Variants in NMNAT2 observed in about 807,000 individuals in gnomAD.
NMNAT2 encodes the protein nicotinamide nucleotide adenylyltransferase 2.
A neutral mutation model predicts 41.6 loss-of-function variants in NMNAT2; 11 were observed. The ratio of observed to expected loss-of-function variants is 0.26; its 90% CI spans 0.17 to 0.44. NMNAT2 has a LOEUF of 0.44. Among genes scored for constraint, NMNAT2 ranks in the 20% least tolerant of loss-of-function variants. NMNAT2 has a pLI of 1.00. For synonymous variants in NMNAT2, 148 were observed against 151.2 expected (o/e 0.98, Z 0.16); for missense variants, 288 against 407.7 (o/e 0.71, Z 2.53).
intron 1 of NMNAT2, among the ~76,000 whole-genome samples, chr1:183,390,416 A>G (rs922200329): frequency 6.6e-6 from 1 of 152,202 alleles, no homozygotes; most frequent in Non-Finnish European, 1.5e-5. Context: ...TCTTGTCTTC[A>G]TCAGCACTTT....
At chr1:183,281,993 C>T (rs1661283162) in intron 7 of NMNAT2, among the ~76,000 whole-genome samples, 1 of 152,240 alleles carries the variant, frequency 6.6e-6, no homozygotes, top group African/African-American at 2.4e-5. Context: ...TCCACACTCC[C>T]CTCCCAGGAA....
chr1:183,375,477 G>A (rs140782785), intron 1 of NMNAT2, among the ~76,000 whole-genome samples: 7 of 152,240 alleles, frequency 4.6e-5, no homozygotes, highest in African/African-American at 1.7e-4. Flanking sequence ...GTTTCCTGTG[G>A]CAATTCCTCT....
chr1:183,275,858 G>C (rs1661110061), intron 8 of NMNAT2, among the ~76,000 whole-genome samples: 1 of 152,080 alleles, frequency 6.6e-6, no homozygotes, highest in Non-Finnish European at 1.5e-5. Flanking sequence ...ATTTTTAGTA[G>C]AGACAGGGTT....
chr1:183,354,372 T>C (rs1663134357), intron 1 of NMNAT2, among the ~76,000 whole-genome samples: 1 of 151,954 alleles, frequency 6.6e-6, no homozygotes, highest in African/African-American at 2.4e-5. Context: ...CCTGCTGTTA[T>C]AATTTAATCT....
At chr1:183,362,344 T>C (rs1161391987) in intron 1 of NMNAT2, among the ~76,000 whole-genome samples, 4 of 152,166 alleles carry the variant, frequency 2.6e-5, no homozygotes, top group African/African-American at 9.7e-5. Flanking sequence ...TGTGCAACCA[T>C]CACCACTATC....
chr1:183,335,773 T>C (rs1662668480), intron 1 of NMNAT2, among the ~76,000 whole-genome samples: 1 of 152,234 alleles, frequency 6.6e-6, no homozygotes, highest in Admixed American at 6.5e-5. Context: ...AACTAGATTA[T>C]AGGGTCTCAG....
intron 1 of NMNAT2, among the ~76,000 whole-genome samples, chr1:183,413,487 G>A (rs1176608035): frequency 1.3e-5 from 2 of 152,066 alleles, no homozygotes; most frequent in African/African-American, 2.4e-5. Flanking sequence ...TATGCCACAG[G>A]CTGGGGTACT....
intron 1 of NMNAT2, among the ~76,000 whole-genome samples, chr1:183,394,479 T>C (rs1384972550): frequency 6.6e-6 from 1 of 152,162 alleles, no homozygotes; most frequent in Non-Finnish European, 1.5e-5. Context: ...CAACTGCAAA[T>C]TTGATTATTT....
chr1:183,286,167 G>A (rs540416200), intron 5 of NMNAT2, among the ~76,000 whole-genome samples: 1 of 152,150 alleles, frequency 6.6e-6, no homozygotes, highest in Non-Finnish European at 1.5e-5. Flanking sequence ...CTCCTCCTGG[G>A]CTCAAGAGAT....
Position 183,248,586 on chromosome 1 carries a change from C to A in NMNAT2, c.*4055G>T, listed in dbSNP as rs1660287762. On this transcript the variant is annotated 3_prime_UTR_variant, in exon 11 of 11. Coordinates refer to ENST00000287713, the MANE Select transcript of NMNAT2 (RefSeq NM_015039.4). ...ACAGGCTAATAGGACACTCCAAACTCACACTACAAAGAGACCACATGAACA... is the reference window on the plus strand; with the variant it reads ...ACAGGCTAATAGGACACTCCAAACTAACACTACAAAGAGACCACATGAACA... 1 of 152,210 alleles carries A rather than the reference C, an allele frequency of 6.6e-6. No homozygotes were observed. Among genetic ancestry groups the A allele is most frequent in the African/African-American group, 2.4e-5 (1 of 41,440 alleles). The allele number at this position is 152,210 out of a possible 1,614,324, so 9.4% of individuals were successfully genotyped here.
In NMNAT2 at chr1:183,248,996, C is replaced by T. The variant is rs1317554012; in HGVS notation, c.*3645G>A. The T allele has an allele frequency of 6.6e-6, 1 of 151,268 alleles. No homozygotes were observed. The highest frequency in any genetic ancestry group is 1.5e-5 in the Non-Finnish European group (1 of 67,940). The allele number at this position is 151,268 out of a possible 1,614,324, so 9.4% of individuals were successfully genotyped here. Reference sequence around the variant, plus strand: ...GTTTTTTCTCCCTGTAATTCTCTGCCTTTTGCTGTAGTTCAGTTATTATTG... The same window carrying T: ...GTTTTTTCTCCCTGTAATTCTCTGCTTTTTGCTGTAGTTCAGTTATTATTG... On this transcript the variant is annotated 3_prime_UTR_variant, in exon 11 of 11. Coordinates refer to ENST00000287713, the MANE Select transcript of NMNAT2 (RefSeq NM_015039.4).
intron 1 of NMNAT2, among the ~76,000 whole-genome samples, chr1:183,396,315 T>C (rs1648648800): frequency 6.6e-6 from 1 of 152,086 alleles, no homozygotes; most frequent in Admixed American, 6.6e-5. Flanking sequence ...GTCAGGCGGT[T>C]GTTAACTGTC....
At chr1:183,353,548 G>A (rs1420987045) in intron 1 of NMNAT2, among the ~76,000 whole-genome samples, 1 of 152,164 alleles carries the variant, frequency 6.6e-6, no homozygotes, top group Non-Finnish European at 1.5e-5. Context: ...AAGACACATT[G>A]TGAGGTGGTG....
At position 183,375,486 on chromosome 1, in the gene NMNAT2, C is replaced by G. The variant is rs150102502; in HGVS notation, c.85+42697G>C. Among the ~76,000 whole-genome samples the G allele has an allele frequency of 6.0e-4, 92 of 152,092 alleles. No individual in the cohort carries two copies. In the East Asian group the frequency reaches 0.014, roughly 24 times the overall value. On this transcript the variant is annotated intron_variant, in intron 1 of 10. Coordinates refer to ENST00000287713, the MANE Select transcript of NMNAT2 (RefSeq NM_015039.4). ...CAGGCTGTTTCCTGTGGCAATTCCTCTCTTCCACACACATGTATCCAAGTT... is the reference window on the plus strand; with the variant it reads ...CAGGCTGTTTCCTGTGGCAATTCCTGTCTTCCACACACATGTATCCAAGTT...
At chr1:183,406,472 AG>A in intron 1 of NMNAT2, among the ~76,000 whole-genome samples, 1 of 152,198 alleles carries the variant, frequency 6.6e-6, no homozygotes, top group Non-Finnish European at 1.5e-5. Flanking sequence ...TCTTAAAAAA[AG>A]TGCAATTGTG....
At position 183,389,825 on chromosome 1, in the gene NMNAT2, AAAGAAAGAAAGAAAGAAAGG is replaced by A. The variant is rs1557897753; in HGVS notation, c.85+28338_85+28357del. On this transcript the variant is annotated intron_variant, in intron 1 of 10. Coordinates refer to ENST00000287713, the MANE Select transcript of NMNAT2 (RefSeq NM_015039.4). Reference sequence around the variant, plus strand: ...GAAAGAAAGAAAGAAAGAAAGAAAGAAAGAAAGAAAGAAAGAAAGGAAAAAAGAGAAAGAAAGAAAGAAAG... The same window carrying A: ...GAAAGAAAGAAAGAAAGAAAGAAAGAAAAAAAGAGAAAGAAAGAAAGAAAG... Among the ~76,000 whole-genome samples, 57 of 61,810 alleles carry A rather than the reference AAAGAAAGAAAGAAAGAAAGG, an allele frequency of 9.2e-4. 6 individuals carry two copies. Among genetic ancestry groups the A allele is most frequent in the African/African-American group, 2.7e-3 (55 of 20,162 alleles). The allele number at this position is 61,810 out of a possible 152,430, so 40.5% of individuals were successfully genotyped here.
chr1:183,286,547 C>T, intron 5 of NMNAT2, 115 bp downstream of exon 5: 1 of 833,646 alleles, frequency 1.2e-6, no homozygotes, highest in Non-Finnish European at 1.8e-6. Flanking sequence ...TACAAGTCCT[C>T]TTTCCCCTCT....
At chr1:183,358,373 A>G (rs539393639) in intron 1 of NMNAT2, among the ~76,000 whole-genome samples, 18 of 152,308 alleles carry the variant, frequency 1.2e-4, no homozygotes, top group Admixed American at 6.5e-4. Context: ...ACTTGAGTTT[A>G]CCTGTATAAC....
chr1:183,320,155 T>G (rs528223448), intron 1 of NMNAT2, among the ~76,000 whole-genome samples: 1 of 152,246 alleles, frequency 6.6e-6, no homozygotes, highest in Non-Finnish European at 1.5e-5. Context: ...GAGAATCTTC[T>G]GGGCTTAGAG....
Sources: gnomAD v4.1 joint callset for allele counts (sites outside exome capture counted in the v4.1 genomes callset) on GRCh38, gnomAD v4.1.1 for gene constraint, MANE v1.5 for transcripts, NCBI Gene and HGNC (gene_info 2026-07-23, HGNC 2026-07-21) for gene names.